TMEM178B: variants seen among roughly 807,000 people sequenced by gnomAD.
The protein encoded by TMEM178B is transmembrane protein 178B.
A neutral mutation model predicts 31.0 loss-of-function variants in TMEM178B; 5 were observed. That is an observed-to-expected ratio of 0.16 (90% CI 0.08 to 0.34). The LOEUF (loss-of-function observed/expected upper bound fraction) is 0.34. TMEM178B is among the 10% of genes least tolerant of loss of function. The pLI is 1.00. For missense variants in TMEM178B, 275 were observed against 400.3 expected (o/e 0.69, Z 2.67); for synonymous variants, 164 against 164.0 (o/e 1.00, Z 0.00).
chr7:141,280,013 G>A (rs773420769), intron 2 of TMEM178B, among the ~76,000 whole-genome samples: 4 of 152,250 alleles, frequency 2.6e-5, no homozygotes, highest in Admixed American at 6.5e-5. Flanking sequence ...GGCATGAGAG[G>A]GGCAAGGGTA....
intron 2 of TMEM178B, among the ~76,000 whole-genome samples, chr7:141,319,432 C>T (rs948376390): frequency 6.6e-6 from 1 of 152,140 alleles, no homozygotes; most frequent in African/African-American, 2.4e-5. Context: ...CATTGTCAGG[C>T]CTGGGGGGAG....
At chr7:141,197,834 T>C (rs1260185920) in intron 1 of TMEM178B, among the ~76,000 whole-genome samples, 3 of 152,184 alleles carry the variant, frequency 2.0e-5, no homozygotes, top group Non-Finnish European at 4.4e-5. Flanking sequence ...GGTTTCACCA[T>C]GATGGCCAAG....
chr7:141,346,160 G>T (rs1799616760), intron 2 of TMEM178B, among the ~76,000 whole-genome samples: 1 of 152,026 alleles, frequency 6.6e-6, no homozygotes, highest in Non-Finnish European at 1.5e-5. Context: ...AGTGGAGCTT[G>T]CAGTGAGCCA....
In TMEM178B at chr7:141,318,779, G is replaced by A. The variant is rs1799048723; in HGVS notation, c.496+106075G>A. On this transcript the variant is annotated intron_variant, in intron 2 of 3. Transcript: ENST00000565468. This position sits in a 1 kb window ranked among gnomAD's most constrained non-coding sequence, Gnocchi z 4.1. ...CACATGTGCTAAGAATAATACTGTC[G>A]AATATTGTTAAACTGCTAGGAATCA... is the stretch of plus-strand genomic sequence containing the variant. Among the ~76,000 whole-genome samples the A allele has an allele frequency of 6.6e-6, 1 of 152,136 alleles. No individual in the cohort carries two copies. The highest frequency in any genetic ancestry group is 6.5e-5 in the Admixed American group (1 of 15,276).
chr7:141,178,967 G>A (rs1248317082), intron 1 of TMEM178B, among the ~76,000 whole-genome samples: 1 of 152,182 alleles, frequency 6.6e-6, no homozygotes, highest in Non-Finnish European at 1.5e-5. Flanking sequence ...TGTTGGGCTT[G>A]TTCCGAACCT....
At chr7:141,383,827 C>A (rs998070124) in intron 2 of TMEM178B, among the ~76,000 whole-genome samples, 3 of 152,204 alleles carry the variant, frequency 2.0e-5, no homozygotes, top group Admixed American at 1.3e-4. Flanking sequence ...AGTTTACAGA[C>A]CCATCAACAG....
chr7:141,416,913 A>G (rs900430320), intron 2 of TMEM178B, among the ~76,000 whole-genome samples: 4 of 152,242 alleles, frequency 2.6e-5, no homozygotes, highest in African/African-American at 9.6e-5. Context: ...CACGTGAAGC[A>G]TGAAAAATGT....
At chr7:141,182,386 T>G (rs1382243743) in intron 1 of TMEM178B, among the ~76,000 whole-genome samples, 1 of 152,208 alleles carries the variant, frequency 6.6e-6, no homozygotes, top group Non-Finnish European at 1.5e-5. Context: ...CTCAAACTTA[T>G]TATACTGGCT....
intron 3 of TMEM178B, among the ~76,000 whole-genome samples, chr7:141,469,068 C>T (rs185471174): frequency 6.6e-6 from 1 of 152,336 alleles, no homozygotes; most frequent in African/African-American, 2.4e-5. Flanking sequence ...GTTGAACATG[C>T]CTAGCCCCCA....
chr7:141,248,375 C>T (rs1311024780), intron 2 of TMEM178B, among the ~76,000 whole-genome samples: 4 of 152,150 alleles, frequency 2.6e-5, no homozygotes, highest in African/African-American at 4.8e-5. Context: ...TGCGCCACTG[C>T]ACTCCAGCCT....
At chr7:141,100,019 C>T (rs1208235540) in intron 1 of TMEM178B, among the ~76,000 whole-genome samples, 3 of 152,046 alleles carry the variant, frequency 2.0e-5, no homozygotes, top group Non-Finnish European at 2.9e-5. Flanking sequence ...TGGGGTTTCA[C>T]CATGTTAGCC....
chr7:141,407,816 T>C (rs1800911556), intron 2 of TMEM178B, among the ~76,000 whole-genome samples: 1 of 152,232 alleles, frequency 6.6e-6, no homozygotes, highest in African/African-American at 2.4e-5. Flanking sequence ...ATCTAGATTT[T>C]CACAGAATCA....
intron 1 of TMEM178B, among the ~76,000 whole-genome samples, chr7:141,106,495 C>G (rs935409529): frequency 2.0e-5 from 3 of 152,176 alleles, no homozygotes; most frequent in Non-Finnish European, 4.4e-5. Flanking sequence ...CCTAGGAGTA[C>G]AAGCTCACAG....
At chr7:141,436,262 G>GT (rs1414431098) in intron 2 of TMEM178B, among the ~76,000 whole-genome samples, 1 of 152,208 alleles carries the variant, frequency 6.6e-6, no homozygotes, top group East Asian at 1.9e-4. Context: ...TGGGGTGTTT[G>GT]TTTCTCAGGG....
At chr7:141,115,023 G>T (rs1795295411) in intron 1 of TMEM178B, among the ~76,000 whole-genome samples, 1 of 151,978 alleles carries the variant, frequency 6.6e-6, no homozygotes, top group Non-Finnish European at 1.5e-5. Context: ...GGTCAGTTAG[G>T]ATCTGTGGGA....
chr7:141,262,354 G>T (rs146987764), intron 2 of TMEM178B, among the ~76,000 whole-genome samples: 108 of 152,016 alleles, frequency 7.1e-4, no homozygotes, highest in African/African-American at 2.4e-3. Context: ...TTTGGGCCGA[G>T]AAATGATTTC....
chr7:141,322,819 T>C (rs1799124275), intron 2 of TMEM178B, among the ~76,000 whole-genome samples: 1 of 152,182 alleles, frequency 6.6e-6, no homozygotes. Context: ...ACAGGCTTTC[T>C]TGTGAGGACT....
intron 1 of TMEM178B, among the ~76,000 whole-genome samples, chr7:141,180,441 G>C (rs1796505516): frequency 8.2e-6 from 1 of 121,646 alleles, no homozygotes; most frequent in African/African-American, 3.1e-5. Context: ...CAGCCTGAGA[G>C]AGACAGAGAG....
chr7:141,385,636 T>TG (rs1800418123), intron 2 of TMEM178B, among the ~76,000 whole-genome samples: 2 of 152,214 alleles, frequency 1.3e-5, no homozygotes, highest in African/African-American at 2.4e-5. Context: ...GTCAGCAACC[T>TG]TTTTATCCAG....
Sources: gnomAD v4.1 joint callset for allele counts (sites outside exome capture counted in the v4.1 genomes callset) on GRCh38, gnomAD v4.1.1 for gene constraint, Gnocchi (gnomAD v3.1) non-coding constraint, MANE v1.5 for transcripts, NCBI Gene and HGNC (gene_info 2026-07-23, HGNC 2026-07-21) for gene names.